Variants in PTPRD observed in about 807,000 individuals in gnomAD.
PTPRD encodes the protein protein tyrosine phosphatase receptor type D, also known as receptor-type tyrosine-protein phosphatase delta.
A neutral mutation model predicts 214.5 loss-of-function variants in PTPRD; 34 were observed. That is an observed-to-expected ratio of 0.16 (90% CI 0.12 to 0.21). PTPRD has a LOEUF of 0.21. Among genes scored for constraint, PTPRD ranks in the 10% least tolerant of loss-of-function variants. PTPRD has a pLI of 1.00. For synonymous variants in PTPRD, 1,128 were observed against 845.7 expected (o/e 1.33, Z -5.79); for missense variants, 2,545 against 2,398.7 (o/e 1.06, Z -1.27).
chr9:8,941,191 T>A (rs562300782), intron 11 of PTPRD, among the ~76,000 whole-genome samples: 1 of 152,120 alleles, frequency 6.6e-6, no homozygotes, highest in African/African-American at 2.4e-5. Flanking sequence ...TAAAATAAAA[T>A]TTAAAAATGG....
intron 11 of PTPRD, among the ~76,000 whole-genome samples, chr9:8,846,806 C>A (rs1303839787): frequency 1.3e-5 from 2 of 152,144 alleles, no homozygotes; most frequent in South Asian, 2.1e-4. Context: ...GAAAGGACAT[C>A]AAAGGCCAGG....
Position 9,453,975 on chromosome 9 carries a change from G to T in PTPRD, c.-236-56493C>A, listed in dbSNP as rs985519100. Among the ~76,000 whole-genome samples, 4 of 151,510 alleles carry T rather than the reference G, an allele frequency of 2.6e-5. No individual in the cohort carries two copies. The South Asian group carries it at 8.3e-4, about 31-fold the overall frequency. ...TCCAGTACTTCATTTCTCTATATCT[G>T]TCATATTTCCATGTCATCCTCTTTT... On this transcript the variant is annotated intron_variant, in intron 8 of 45. Coordinates refer to ENST00000381196, the MANE Select transcript of PTPRD (RefSeq NM_002839.4).
At chr9:8,523,979 A>C (rs1340224978) in intron 18 of PTPRD, among the ~76,000 whole-genome samples, 1 of 152,170 alleles carries the variant, frequency 6.6e-6, no homozygotes, top group African/African-American at 2.4e-5. Context: ...ATCCTATTGT[A>C]ACTTAAAGCC....
intron 2 of PTPRD, among the ~76,000 whole-genome samples, chr9:10,415,422 C>G (rs2098478193): frequency 6.6e-6 from 1 of 151,800 alleles, no homozygotes; most frequent in Admixed American, 6.6e-5. Flanking sequence ...AAGTTATGGA[C>G]TCTTTTATAT....
chr9:10,025,933 G>T (rs993316813), intron 4 of PTPRD, among the ~76,000 whole-genome samples: 9 of 152,148 alleles, frequency 5.9e-5, no homozygotes, highest in Non-Finnish European at 2.9e-5. Flanking sequence ...AGGAAGACCA[G>T]GCAGGCATGA....
chr9:8,551,626 T>C (rs7047700), intron 14 of PTPRD, among the ~76,000 whole-genome samples: 3,723 of 152,278 alleles, frequency 0.024, 137 homozygotes, highest in African/African-American at 0.084. Context: ...GTGTGGGAAA[T>C]AGCATGATCA....
chr9:10,023,709 T>C (rs993255541), intron 4 of PTPRD, among the ~76,000 whole-genome samples: 3 of 151,994 alleles, frequency 2.0e-5, no homozygotes, highest in Non-Finnish European at 4.4e-5. Flanking sequence ...CAATTATATA[T>C]TGAATTGCAA....
At chr9:8,622,890 T>C (rs570082996) in intron 14 of PTPRD, among the ~76,000 whole-genome samples, 10 of 151,768 alleles carry the variant, frequency 6.6e-5, no homozygotes, top group Non-Finnish European at 8.8e-5. Flanking sequence ...TGTAATCCCA[T>C]GACTTTGGGA....
chr9:9,759,311 C>T (rs545078309), intron 6 of PTPRD, among the ~76,000 whole-genome samples: 3 of 152,068 alleles, frequency 2.0e-5, no homozygotes, highest in Non-Finnish European at 4.4e-5. Context: ...CTGGCACTGA[C>T]TGCCGCAAAC....
chr9:8,930,446 G>A (rs187093182), intron 11 of PTPRD, among the ~76,000 whole-genome samples: 1 of 152,268 alleles, frequency 6.6e-6, no homozygotes, highest in African/African-American at 2.4e-5. Flanking sequence ...CTTTATAGTA[G>A]AATTATTTAT....
chr9:8,766,981 G>A (rs1043909072), intron 11 of PTPRD, among the ~76,000 whole-genome samples: 1 of 152,112 alleles, frequency 6.6e-6, no homozygotes, highest in Non-Finnish European at 1.5e-5. Context: ...TACTGTATAT[G>A]TTTCCTTTCA....
At chr9:8,387,726 A>G (rs2087702336) in intron 37 of PTPRD, among the ~76,000 whole-genome samples, 2 of 152,170 alleles carry the variant, frequency 1.3e-5, no homozygotes, top group South Asian at 4.1e-4. Context: ...AGCTTCTGTA[A>G]TGTTCTGGGC....
chr9:10,454,729 C>T (rs540357042), intron 2 of PTPRD, among the ~76,000 whole-genome samples: 2 of 151,556 alleles, frequency 1.3e-5, no homozygotes, highest in African/African-American at 4.8e-5. Context: ...TTTCCTCTTG[C>T]CTTTGGACCC....
At chr9:9,922,271 C>G (rs565506011) in intron 5 of PTPRD, among the ~76,000 whole-genome samples, 3 of 152,136 alleles carry the variant, frequency 2.0e-5, no homozygotes, top group Non-Finnish European at 4.4e-5. Context: ...TCATTCCCAT[C>G]ACCTCCCTTT....
rs540756711 is a variant in PTPRD, at chr9:10,594,792, A to G, written c.-600+17606T>C. Among the ~76,000 whole-genome samples, 176 of 152,108 alleles carry G rather than the reference A, an allele frequency of 1.2e-3. 1 individual carries two copies. Among genetic ancestry groups the G allele is most frequent in the African/African-American group, 4.1e-3 (170 of 41,542 alleles). On this transcript the variant is annotated intron_variant, in intron 2 of 45. Transcript: ENST00000381196. ...GTGTGTGGTAGGGGCAGCTGGGCATAAAATATTTGGTGTCCTTGCACCGAA... is the reference window on the plus strand; with the variant it reads ...GTGTGTGGTAGGGGCAGCTGGGCATGAAATATTTGGTGTCCTTGCACCGAA...
chr9:9,446,629 G>C (rs549388572), intron 8 of PTPRD, among the ~76,000 whole-genome samples: 104 of 152,076 alleles, frequency 6.8e-4, no homozygotes, highest in African/African-American at 2.5e-3. Context: ...GCCACAGAAG[G>C]GAACACAATA....
chr9:10,552,214 T>C (rs2061499062), intron 2 of PTPRD, among the ~76,000 whole-genome samples: 1 of 152,072 alleles, frequency 6.6e-6, no homozygotes, highest in South Asian at 2.1e-4. Flanking sequence ...AGTTAGTGTG[T>C]GCAGGCCATT....
chr9:9,063,708 T>C (rs1186743350), intron 10 of PTPRD, among the ~76,000 whole-genome samples: 1 of 152,132 alleles, frequency 6.6e-6, no homozygotes, highest in East Asian at 1.9e-4. Context: ...AGCATATGAC[T>C]AGATATGTTT....
chr9:9,168,914 T>C (rs2130872194), intron 10 of PTPRD, among the ~76,000 whole-genome samples: 1 of 151,804 alleles, frequency 6.6e-6, no homozygotes, highest in African/African-American at 2.4e-5. Flanking sequence ...TGTAGTGAAG[T>C]AGAATGAAAA....
Sources: gnomAD v4.1 joint callset for allele counts (sites outside exome capture counted in the v4.1 genomes callset) on GRCh38, gnomAD v4.1.1 for gene constraint, MANE v1.5 for transcripts, NCBI Gene and HGNC (gene_info 2026-07-23, HGNC 2026-07-21) for gene names.